The following IGF2R variants were observed in gnomAD, a reference collection of about 807,000 sequenced individuals.
The protein encoded by IGF2R is insulin like growth factor 2 receptor.
Under a neutral mutation model 270.6 loss-of-function variants are expected in IGF2R, and 91 were observed. The ratio of observed to expected loss-of-function variants is 0.34; its 90% CI spans 0.28 to 0.40. IGF2R has a LOEUF of 0.40. IGF2R is among the 10% of genes least tolerant of loss of function. The pLI is 1.00. For synonymous variants in IGF2R, 1,316 were observed against 1,258.9 expected (o/e 1.05, Z -0.96); for missense variants, 2,805 against 3,188.3 (o/e 0.88, Z 2.90).
Position 160,089,964 on chromosome 6 carries a change from G to A in IGF2R, c.6516G>A (p.Leu2172=), listed in dbSNP as rs1779182908. 1 of 1,607,600 alleles carries A rather than the reference G, an allele frequency of 6.2e-7. No individual in the cohort carries two copies. Among genetic ancestry groups the A allele is most frequent in the Non-Finnish European group, 8.5e-7 (1 of 1,177,278 alleles). Residue 2172 remains leucine, a synonymous_variant, in exon 44 of 48, where the codon CTG becomes CTA. Coordinates refer to ENST00000356956, the MANE Select transcript of IGF2R (RefSeq NM_000876.4). ...GDMRTNGDNY[L]YEIQLSSITS... is the part of the protein sequence containing the mutation. ...TGAGGACCAATGGGGACAACTACCT[G>A]TATGAGATCCAACTTTCCTCCATCA...
intron 42 of IGF2R, 103 bp downstream of exon 42, chr6:160,088,250 T>C: frequency 1.3e-6 from 1 of 764,846 alleles, no homozygotes. Flanking sequence ...TCTTAGGAGC[T>C]CAGGGCCAGA....
chr6:160,080,845 C>T (rs1476042373), intron 39 of IGF2R, among the ~76,000 whole-genome samples: 5 of 151,808 alleles, frequency 3.3e-5, no homozygotes, highest in East Asian at 1.9e-4. Context: ...TGGCCAGGCG[C>T]GGTGGCTCAC....
chr6:160,058,621 A>G (rs1562360783), intron 21 of IGF2R, among the ~76,000 whole-genome samples: 1 of 152,154 alleles, frequency 6.6e-6, no homozygotes, highest in Non-Finnish European at 1.5e-5. Flanking sequence ...TCCCTCTCTT[A>G]TATATGGTAC....
chr6:160,024,267 C>T (rs1777502862), intron 4 of IGF2R, among the ~76,000 whole-genome samples: 2 of 151,962 alleles, frequency 1.3e-5, no homozygotes, highest in South Asian at 2.1e-4. Context: ...CCAGGAAGGA[C>T]GTTTGTGAGG....
intron 1 of IGF2R, among the ~76,000 whole-genome samples, chr6:159,985,131 C>T (rs888708248): frequency 6.6e-6 from 1 of 151,172 alleles, no homozygotes; most frequent in Non-Finnish European, 1.5e-5. Flanking sequence ...AATAGGAACT[C>T]AGAGATCTTT....
In IGF2R at chr6:159,969,328, C is replaced by G; in HGVS notation, c.82C>G (p.Leu28Val). Residue 28 changes from leucine (L) to valine (V), a missense_variant, in exon 1 of 48, where the codon CTG becomes GTG. Leu to Val is a conservative substitution (Grantham distance 32). Around this residue, in one of 2 missense-constraint regions of IGF2R, gnomAD observed 954 missense variants for 981.1 expected, o/e 0.97. Coordinates refer to ENST00000356956, the MANE Select transcript of IGF2R (RefSeq NM_000876.4). ...RPQRSLLLLQLLLLVAAPGST... is the reference protein window; with the variant it reads ...RPQRSLLLLQVLLLVAAPGST... ...GCAGCGCTCTCTGCTCCTGCTGCAG[C>G]TGCTGCTGCTCGTCGCTGCCCCGGG... 4 of 1,306,096 alleles carry G rather than the reference C, an allele frequency of 3.1e-6. No homozygotes were observed. Among genetic ancestry groups the G allele is most frequent in the Non-Finnish European group, 3.9e-6 (4 of 1,022,814 alleles). The allele number at this position is 1,306,096 out of a possible 1,614,324, so 80.9% of individuals were successfully genotyped here. A position where few individuals can be genotyped will look rare whatever the true frequency, so the allele number is the denominator to read the frequency against.
At position 160,071,919 on chromosome 6, in the gene IGF2R, C is replaced by T; in HGVS notation, c.4453C>T (p.Pro1485Ser). 1 of 1,614,110 alleles carries T rather than the reference C, an allele frequency of 6.2e-7. No individual in the cohort carries two copies. Among genetic ancestry groups the T allele is most frequent in the Non-Finnish European group, 8.5e-7 (1 of 1,179,994 alleles). Reference sequence around the variant, plus strand: ...CTGTGCTTTGTTGTAGAACTCCAGGCCCATGTTCATCAGCGCCGTGGAGGA... The same window carrying T: ...CTGTGCTTTGTTGTAGAACTCCAGGTCCATGTTCATCAGCGCCGTGGAGGA... ...TCSESQVNSR[P>S]MFISAVEDCE... is the part of the protein sequence containing the mutation. Residue 1485 changes from proline to serine, a missense_variant, in exon 32 of 48, where the codon CCC becomes TCC. Coordinates refer to ENST00000356956, the MANE Select transcript of IGF2R (RefSeq NM_000876.4).
chr6:159,975,815 A>G (rs1158512959), intron 1 of IGF2R, among the ~76,000 whole-genome samples: 2 of 148,242 alleles, frequency 1.3e-5, no homozygotes, highest in African/African-American at 2.5e-5. Flanking sequence ...TATAATATAT[A>G]CACACGCACA....
At chr6:159,973,857 T>C (rs1284382718) in intron 1 of IGF2R, among the ~76,000 whole-genome samples, 1 of 152,236 alleles carries the variant, frequency 6.6e-6, no homozygotes, top group East Asian at 1.9e-4. Context: ...TCTTGGTATA[T>C]AAACTATTGT....
chr6:160,048,286 T>C (rs1308802258), intron 17 of IGF2R, 89 bp from the exon 18 acceptor site: 2 of 1,258,976 alleles, frequency 1.6e-6, no homozygotes, highest in Non-Finnish European at 2.3e-6. Flanking sequence ...TTTTATTTGG[T>C]AGCTTTACTT....
At chr6:160,100,813 C>G (rs1779468662) in intron 45 of IGF2R, among the ~76,000 whole-genome samples, 2 of 54,282 alleles carry the variant, frequency 3.7e-5, no homozygotes, top group African/African-American at 7.2e-5. Flanking sequence ...TTTTTGGAGA[C>G]AGAGACTTGC....
chr6:159,994,926 A>G (rs996365235), intron 2 of IGF2R, among the ~76,000 whole-genome samples: 1 of 152,198 alleles, frequency 6.6e-6, no homozygotes, highest in Non-Finnish European at 1.5e-5. Context: ...GTTGTTGGGT[A>G]GAATGATCTT....
intron 41 of IGF2R, among the ~76,000 whole-genome samples, chr6:160,085,785 A>C (rs374113632): frequency 7.9e-5 from 12 of 152,320 alleles, no homozygotes; most frequent in African/African-American, 2.4e-4. Flanking sequence ...GAGATGGAGA[A>C]AGAGAATTCC....
Position 160,021,444 on chromosome 6 carries a change from G to T in IGF2R, c.514-3128G>T, listed in dbSNP as rs1326724961. Reference sequence around the variant, plus strand: ...AACATCACACACCTGGGACTGTTGTGGGGTGGGGGGCGGGGGGAGGGATAG... The same window carrying T: ...AACATCACACACCTGGGACTGTTGTTGGGTGGGGGGCGGGGGGAGGGATAG... On this transcript the variant is annotated intron_variant, in intron 4 of 47. Transcript: ENST00000356956. 4.3e-5 allele frequency among the ~76,000 whole-genome samples: 5 copies of T among 116,528 alleles called. No homozygotes were observed. The East Asian group carries it at 1.4e-3, about 33-fold the overall frequency. 76.4% of individuals were successfully genotyped at this position (116,528 alleles called of 152,430 possible).
At chr6:160,027,914 C>T (rs576944673) in intron 6 of IGF2R, among the ~76,000 whole-genome samples, 66 of 152,142 alleles carry the variant, frequency 4.3e-4, no homozygotes, top group Non-Finnish European at 2.6e-4. Flanking sequence ...TGGTAGACAC[C>T]TTGTTGTGCT....
rs745461832 is a variant in IGF2R at position 160,102,603 on chromosome 6, G to A, written c.6927G>A (p.Val2309=). 12 of 1,613,510 alleles carry A rather than the reference G, an allele frequency of 7.4e-6. No individual in the cohort carries two copies. Among genetic ancestry groups the A allele is most frequent in the Non-Finnish European group, 1.0e-5 (12 of 1,179,800 alleles). The change falls in exon 46 of 48, where the codon GTG becomes GTA. Residue 2309 remains valine (V), a synonymous_variant. Coordinates refer to ENST00000356956, the MANE Select transcript of IGF2R (RefSeq NM_000876.4). The surrounding 1 kb of genome is among the most constrained non-coding windows in gnomAD (Gnocchi z 4.5). ...LSERSQAVGA[V]LSLLLVALTC... ...AACGGAGCCAGGCAGTCGGCGCGGT[G>A]CTCAGCCTGCTGCTGGTGGCGCTCA...
chr6:160,087,046 C>T (rs566707650), intron 41 of IGF2R, among the ~76,000 whole-genome samples: 13 of 152,270 alleles, frequency 8.5e-5, no homozygotes, highest in African/African-American at 3.1e-4. Context: ...TGGAACCTGG[C>T]GGCCATGCTG....
chr6:160,071,733 A>G (rs1265641626), intron 31 of IGF2R, among the ~76,000 whole-genome samples, 177 bp from the exon 32 acceptor site: 15 of 152,196 alleles, frequency 9.9e-5, no homozygotes, highest in Admixed American at 9.8e-4. Flanking sequence ...GTGGCAGCTC[A>G]GGACACATTC....
At chr6:159,991,995 G>A (rs1783986400) in intron 2 of IGF2R, among the ~76,000 whole-genome samples, 2 of 152,220 alleles carry the variant, frequency 1.3e-5, no homozygotes, top group African/African-American at 4.8e-5. Context: ...AAGGGAGGCA[G>A]GGCAGACAGA....
Sources: gnomAD v4.1 joint callset for allele counts (sites outside exome capture counted in the v4.1 genomes callset) on GRCh38, gnomAD v4.1.1 for gene constraint, gnomAD v4.1.1 regional missense constraint, Gnocchi (gnomAD v3.1) non-coding constraint, MANE v1.5 for transcripts, NCBI Gene and HGNC (gene_info 2026-07-23, HGNC 2026-07-21) for gene names.